KMT2C: variants seen among roughly 807,000 people sequenced by gnomAD.
KMT2C encodes lysine methyltransferase 2C.
A neutral mutation model predicts 507.9 loss-of-function variants in KMT2C; 88 were observed. The ratio of observed to expected loss-of-function variants is 0.17; its 90% CI spans 0.15 to 0.21. KMT2C has a LOEUF of 0.21. Among genes scored for constraint, KMT2C ranks in the 10% least tolerant of loss-of-function variants. The probability of loss-of-function intolerance (pLI) is 1.00; values close to 1 mark genes in which losing one functional copy is unlikely to be tolerated. For synonymous variants in KMT2C, 2,049 were observed against 2,080.8 expected (o/e 0.98, Z 0.42); for missense variants, 4,954 against 5,957.8 (o/e 0.83, Z 5.55).
chr7:152,226,149 A>G (rs2094923089), intron 18 of KMT2C, among the ~76,000 whole-genome samples: 2 of 151,976 alleles, frequency 1.3e-5, no homozygotes, highest in African/African-American at 4.8e-5. Flanking sequence ...AAAAGACCTG[A>G]AAAGATTAAA....
rs146424878 is a variant in KMT2C, at chr7:152,256,506, C to T, written c.1300-3791G>A. Among the ~76,000 whole-genome samples the T allele has an allele frequency of 4.7e-4, 72 of 152,142 alleles. No individual in the cohort carries two copies. In the East Asian group the frequency reaches 0.013, roughly 28 times the overall value. On this transcript the variant is annotated intron_variant, in intron 9 of 58. Coordinates refer to ENST00000262189, the MANE Select transcript of KMT2C (RefSeq NM_170606.3). ...GAGCCCAGGTCAAGGCTACAGTGAA[C>T]TATGACCATACCACTGTACTATGGC...
At position 152,221,556 on chromosome 7, in the gene KMT2C, G is replaced by T. The variant is rs1230569366; in HGVS notation, c.3499+445C>A. 2.6e-5 allele frequency among the ~76,000 whole-genome samples: 4 copies of T among 152,098 alleles called. No homozygotes were observed. The South Asian group carries it at 8.3e-4, about 31-fold the overall frequency. ...ATTCCTGTACTATCCAAACATTTTT[G>T]TATCAGGTGCTATTAAATACAAATA... is the stretch of plus-strand genomic sequence containing the variant. On this transcript the variant is annotated intron_variant, in intron 22 of 58. Coordinates refer to ENST00000262189, the MANE Select transcript of KMT2C (RefSeq NM_170606.3).
intron 38 of KMT2C, among the ~76,000 whole-genome samples, 187 bp downstream of exon 38, chr7:152,176,004 C>T (rs761163504): frequency 6.6e-6 from 1 of 152,192 alleles, no homozygotes; most frequent in Non-Finnish European, 1.5e-5. Flanking sequence ...GATCGCGCCA[C>T]TGCACTCCAT....
chr7:152,364,335 T>C (rs1016026814), intron 1 of KMT2C, among the ~76,000 whole-genome samples: 3 of 152,242 alleles, frequency 2.0e-5, no homozygotes, highest in South Asian at 2.1e-4. Flanking sequence ...AGGCCGGGTG[T>C]GGTGGCTCAC....
rs139111507 is a variant in KMT2C, at chr7:152,151,453, G to T, written c.12655C>A (p.Leu4219Ile). The T allele has an allele frequency of 1.9e-6, 3 of 1,613,974 alleles. No homozygotes were observed. The highest frequency in any genetic ancestry group is 2.5e-6 in the Non-Finnish European group (3 of 1,179,934). ...GVRKSFKDLT[L>I]LNKDSRESTK... Reference sequence around the variant, plus strand: ...GAGTAGCAAAGTACCTTGTTCAAAAGGGTCAGATCTTTGAAAGATTTCCGC... The same window carrying T: ...GAGTAGCAAAGTACCTTGTTCAAAATGGTCAGATCTTTGAAAGATTTCCGC... Residue 4219 changes from leucine to isoleucine, a missense_variant, in exon 50 of 59, where the codon CTT becomes ATT. Physicochemically the swap from Leu to Ile is conservative, Grantham distance 5. Coordinates refer to ENST00000262189, the MANE Select transcript of KMT2C (RefSeq NM_170606.3).
chr7:152,392,925 T>C (rs993587184), intron 1 of KMT2C, among the ~76,000 whole-genome samples: 9 of 152,166 alleles, frequency 5.9e-5, no homozygotes, highest in Admixed American at 2.0e-4. Context: ...TGATATCTTG[T>C]CTCTACTAAA....
chr7:152,318,904 A>G (rs2096746412), intron 3 of KMT2C, among the ~76,000 whole-genome samples: 1 of 152,230 alleles, frequency 6.6e-6, no homozygotes, highest in African/African-American at 2.4e-5. Context: ...TCAGACCAAC[A>G]TGAATCTGGT....
intron 46 of KMT2C, among the ~76,000 whole-genome samples, 160 bp downstream of exon 46, chr7:152,155,750 C>A (rs1310931138): frequency 6.6e-6 from 1 of 152,154 alleles, no homozygotes; most frequent in Non-Finnish European, 1.5e-5. Flanking sequence ...TTAATGGTAA[C>A]AATGTCTTAT....
At chr7:152,158,511 GT>G (rs566073420) in intron 44 of KMT2C, among the ~76,000 whole-genome samples, 8 of 128,192 alleles carry the variant, frequency 6.2e-5, no homozygotes, top group East Asian at 2.2e-4. Context: ...TGAATTGTTT[GT>G]TTTTTTTTTG....
At chr7:152,378,189 C>T (rs185043684) in intron 1 of KMT2C, among the ~76,000 whole-genome samples, 20 of 152,302 alleles carry the variant, frequency 1.3e-4, no homozygotes, top group Middle Eastern at 6.8e-3. Flanking sequence ...TTTGAGCTGA[C>T]TCCAATTTTG....
At chr7:152,316,812 T>C (rs889252277) in intron 3 of KMT2C, among the ~76,000 whole-genome samples, 1 of 151,738 alleles carries the variant, frequency 6.6e-6, no homozygotes, top group African/African-American at 2.4e-5. Context: ...ATACACAAAT[T>C]AAATGTAGTG....
At position 152,340,332 on chromosome 7, in the gene KMT2C, T is replaced by C. The variant is rs548341027; in HGVS notation, c.251-9593A>G. ...AATAGAATAACTGACTTCCCTTAAC[T>C]CCAGAGAATGGCAATACTTTTCATG... On this transcript the variant is annotated intron_variant, in intron 2 of 58. Transcript: ENST00000262189. Among the ~76,000 whole-genome samples the C allele has an allele frequency of 5.3e-5, 8 of 152,008 alleles. No homozygotes were observed. The East Asian group carries it at 1.5e-3, about 29-fold the overall frequency.
chr7:152,155,825 T>C (rs1176869264), intron 46 of KMT2C, 85 bp downstream of exon 46: 5 of 1,323,190 alleles, frequency 3.8e-6, no homozygotes, highest in Non-Finnish European at 4.1e-6. Context: ...ATGCTATTCC[T>C]AAAGACATTA....
intron 1 of KMT2C, among the ~76,000 whole-genome samples, chr7:152,387,097 A>T (rs1307542476): frequency 6.6e-6 from 1 of 152,180 alleles, no homozygotes; most frequent in East Asian, 1.9e-4. Context: ...AATCAAGAAG[A>T]CACACCAGAA....
At chr7:152,234,805 AGGT>A (rs2095230188) in intron 16 of KMT2C, among the ~76,000 whole-genome samples, 1 of 152,094 alleles carries the variant, frequency 6.6e-6, no homozygotes, top group African/African-American at 2.4e-5. Context: ...TGGGAGACGG[AGGT>A]GGGAGGTCGA....
rs190880762 is a variant in KMT2C, at chr7:152,144,012, G to A, written c.14343+701C>T. 7.2e-5 allele frequency among the ~76,000 whole-genome samples: 11 copies of A among 152,312 alleles called. No individual in the cohort carries two copies. In the East Asian group the frequency reaches 1.5e-3, roughly 21 times the overall value. ...GAATTTTTAGGAGAAAACAGAACTC[G>A]ATGATGCTTTAGGTTTAATCTGGCA... On this transcript the variant is annotated intron_variant, in intron 55 of 58. Coordinates refer to ENST00000262189, the MANE Select transcript of KMT2C (RefSeq NM_170606.3). The surrounding 1 kb of genome is among the most constrained non-coding windows in gnomAD (Gnocchi z 4.4).
chr7:152,233,580 A>T (rs2095188592), intron 16 of KMT2C, among the ~76,000 whole-genome samples: 1 of 152,228 alleles, frequency 6.6e-6, no homozygotes, highest in African/African-American at 2.4e-5. Flanking sequence ...AGGCTGACTC[A>T]AGAAGGTCAA....
chr7:152,173,484 A>C (rs2093056308), intron 39 of KMT2C, among the ~76,000 whole-genome samples: 1 of 152,202 alleles, frequency 6.6e-6, no homozygotes, highest in Admixed American at 6.5e-5. Context: ...CATTTTAAAA[A>C]AATTACCCCA....
chr7:152,261,545 A>C (rs1343889030), intron 9 of KMT2C, among the ~76,000 whole-genome samples: 1 of 152,236 alleles, frequency 6.6e-6, no homozygotes, highest in Non-Finnish European at 1.5e-5. Context: ...TTATCTGATT[A>C]AATGAAATGA....
Sources: gnomAD v4.1 joint callset for allele counts (sites outside exome capture counted in the v4.1 genomes callset) on GRCh38, gnomAD v4.1.1 for gene constraint, Gnocchi (gnomAD v3.1) non-coding constraint, MANE v1.5 for transcripts, NCBI Gene and HGNC (gene_info 2026-07-23, HGNC 2026-07-21) for gene names.